The following COL19A1 variants were observed in gnomAD, a reference collection of about 807,000 sequenced individuals.
COL19A1 encodes the protein collagen alpha-1(XIX) chain.
COL19A1 carries 159 observed loss-of-function variants against 190.2 expected under a neutral mutation model. That is an observed-to-expected ratio of 0.84 (90% confidence interval 0.73 to 0.95). The LOEUF (loss-of-function observed/expected upper bound fraction) is 0.95, where lower values mean the gene tolerates loss of function less well. COL19A1 is among the 40% of genes least tolerant of loss of function. The pLI is 0.00. For missense variants in COL19A1, 1,418 were observed against 1,431.9 expected, an observed-to-expected ratio of 0.99 and a Z score of 0.16; for synonymous variants, 509 against 458.9, an observed-to-expected ratio of 1.11 and a Z score of -1.39.
intron 2 of COL19A1, among the ~76,000 whole-genome samples, chr6:69,882,597 A>T (rs957823190): frequency 3.3e-5 from 5 of 152,182 alleles, no homozygotes; most frequent in African/African-American, 9.6e-5. Flanking sequence ...GAAACAGAAA[A>T]CCAGAGTTTA....
At chr6:70,066,208 A>G (rs1781186057) in intron 14 of COL19A1, among the ~76,000 whole-genome samples, 1 of 152,214 alleles carries the variant, frequency 6.6e-6, no homozygotes, top group Non-Finnish European at 1.5e-5. Context: ...CCAAATGTCC[A>G]ACAGTGATAG....
rs779014100 is a variant in COL19A1 at position 69,929,411 on chromosome 6, T to G, written c.391-14T>G. 3 of 1,606,300 alleles carry G rather than the reference T, an allele frequency of 1.9e-6. No individual in the cohort carries two copies. The East Asian group carries it at 6.7e-5, about 36-fold the overall frequency. ...GATTTTTAAAACATTTAAAGATACT[T>G]TACATTTTTGCAGATTTCTATAGTA... is the stretch of plus-strand genomic sequence containing the variant. On this transcript the variant is annotated splice_polypyrimidine_tract_variant and intron_variant, in intron 5 of 50. Transcript: ENST00000620364.
chr6:69,893,813 A>G (rs1489268560), intron 2 of COL19A1, among the ~76,000 whole-genome samples: 2 of 152,214 alleles, frequency 1.3e-5, no homozygotes, highest in African/African-American at 2.4e-5. Context: ...GCAATCTGAG[A>G]GATTCCTCTG....
At chr6:70,009,820 A>C (rs558165523) in intron 11 of COL19A1, among the ~76,000 whole-genome samples, 114 of 152,300 alleles carry the variant, frequency 7.5e-4, no homozygotes, top group African/African-American at 2.7e-3. Flanking sequence ...AGGGGTACAA[A>C]AATAACTCAG....
chr6:70,121,930 C>A lies in COL19A1; in HGVS notation c.1329C>A (p.Asn443Lys), dbSNP rs758160196. ...ACCAAACTCTTGGTGGATATTATAA[C>A]AAGGATAACAAGGTATGGCTTCTTT... ...GIHQTLGGYYNKDNKGNDEHE... is the reference protein window; with the variant it reads ...GIHQTLGGYYKKDNKGNDEHE... Residue 443 changes from asparagine (N) to lysine (K), a missense_variant, in exon 17 of 51, where the codon AAC becomes AAA. Asn to Lys is a moderately conservative substitution (Grantham distance 94). Coordinates refer to ENST00000620364, the MANE Select transcript of COL19A1 (RefSeq NM_001858.6). 1.9e-6 allele frequency: 3 copies of A among 1,580,664 alleles called. No individual in the cohort carries two copies. The highest frequency in any genetic ancestry group is 2.6e-6 in the Non-Finnish European group (3 of 1,163,854).
chr6:70,093,311 G>C (rs1245310673), intron 15 of COL19A1, among the ~76,000 whole-genome samples: 1 of 152,076 alleles, frequency 6.6e-6, no homozygotes, highest in African/African-American at 2.4e-5. Context: ...GCACCAAGAT[G>C]TTAAAATACA....
At chr6:69,904,857 G>A (rs942632046) in intron 4 of COL19A1, among the ~76,000 whole-genome samples, 4 of 152,248 alleles carry the variant, frequency 2.6e-5, no homozygotes, top group South Asian at 2.1e-4. Context: ...CTAGGCACAC[G>A]GCTTGTGCTG....
chr6:69,886,981 G>A (rs111790902), intron 2 of COL19A1, among the ~76,000 whole-genome samples: 12 of 151,948 alleles, frequency 7.9e-5, no homozygotes, highest in Non-Finnish European at 1.6e-4. Flanking sequence ...CACAAAGCAC[G>A]TATGCTAAAG....
intron 14 of COL19A1, among the ~76,000 whole-genome samples, chr6:70,048,526 A>G (rs997480278): frequency 1.1e-4 from 17 of 152,100 alleles, no homozygotes; most frequent in Non-Finnish European, 5.9e-5. Context: ...AAAGCAACCA[A>G]TTGGTTAAAG....
In COL19A1 at chr6:69,993,216, A is replaced by G. The variant is rs113561340; in HGVS notation, c.1026+30346A>G. On this transcript the variant is annotated intron_variant, in intron 11 of 50. Coordinates refer to ENST00000620364, the MANE Select transcript of COL19A1 (RefSeq NM_001858.6). ...CTTTCCTTCATCTATTAAGATGATC[A>G]TGTGGTTTTTGTGCTTAGTCCTGTT... is the stretch of plus-strand genomic sequence containing the variant. Among the ~76,000 whole-genome samples the G allele has an allele frequency of 5.1e-3, 780 of 152,208 alleles. 10 individuals are homozygous for G. The highest frequency in any genetic ancestry group is 0.018 in the African/African-American group (735 of 41,530).
At chr6:70,091,815 C>T (rs1406829730) in intron 15 of COL19A1, among the ~76,000 whole-genome samples, 1 of 152,124 alleles carries the variant, frequency 6.6e-6, no homozygotes, top group Non-Finnish European at 1.5e-5. Flanking sequence ...CCAGGAAACC[C>T]TAACCTTACT....
rs749617935 is a variant in COL19A1 at position 70,034,385 on chromosome 6, T to G, written c.1134+87T>G. The G allele has an allele frequency of 1.9e-5, 18 of 957,430 alleles. 1 individual carries two copies. The highest frequency in any genetic ancestry group is 3.0e-5 in the Non-Finnish European group (18 of 592,464). The allele number at this position is 957,430 out of a possible 1,614,324, so 59.3% of individuals were successfully genotyped here. On this transcript the variant is annotated intron_variant, in intron 13 of 50. Coordinates refer to ENST00000620364, the MANE Select transcript of COL19A1 (RefSeq NM_001858.6). ...TGACTTCTCATTGATACTGTTTATC[T>G]CCTAAAAGCATTCTAAAATTAACCA...
At chr6:69,932,553 T>C (rs1172090763) in intron 6 of COL19A1, among the ~76,000 whole-genome samples, 1 of 152,068 alleles carries the variant, frequency 6.6e-6, no homozygotes, top group Non-Finnish European at 1.5e-5. Context: ...GCAATTGCTT[T>C]CATTACCTGA....
At chr6:69,925,691 C>T (rs900566891) in intron 4 of COL19A1, among the ~76,000 whole-genome samples, 6 of 152,266 alleles carry the variant, frequency 3.9e-5, no homozygotes, top group African/African-American at 1.4e-4. Context: ...TGGCCATTTT[C>T]ATGATATTGG....
At chr6:70,084,630 C>T (rs1782474131) in intron 15 of COL19A1, among the ~76,000 whole-genome samples, 1 of 152,318 alleles carries the variant, frequency 6.6e-6, no homozygotes, top group East Asian at 1.9e-4. Context: ...ATTCATTCCC[C>T]TACTAATCAC....
At chr6:70,030,175 AT>A (rs1338633746) in intron 12 of COL19A1, among the ~76,000 whole-genome samples, 1 of 152,136 alleles carries the variant, frequency 6.6e-6, no homozygotes, top group Non-Finnish European at 1.5e-5. Flanking sequence ...TGGCTACATC[AT>A]CCCTTCCCCT....
chr6:70,142,665 C>A, intron 22 of COL19A1, 102 bp from the exon 23 acceptor site: 1 of 983,436 alleles, frequency 1.0e-6, no homozygotes, highest in Non-Finnish European at 1.5e-6. Flanking sequence ...GTTGGTCTTC[C>A]TATACATGAA....
chr6:70,191,201 C>A (rs1766850647), intron 48 of COL19A1, among the ~76,000 whole-genome samples: 1 of 152,112 alleles, frequency 6.6e-6, no homozygotes. Flanking sequence ...AAAAAAGCAT[C>A]CATATTATTC....
At chr6:70,190,437 A>G (rs1023406307) in intron 48 of COL19A1, 56 bp downstream of exon 48, 3 of 1,135,326 alleles carry the variant, frequency 2.6e-6, no homozygotes, top group African/African-American at 3.1e-5. Context: ...CCTCCCACCT[A>G]CTATGGGGAA....
Sources: gnomAD v4.1 joint callset for allele counts (sites outside exome capture counted in the v4.1 genomes callset) on GRCh38, gnomAD v4.1.1 for gene constraint, MANE v1.5 for transcripts, NCBI Gene and HGNC (gene_info 2026-07-23, HGNC 2026-07-21) for gene names.